Variants in RGS14 observed in about 807,000 individuals in gnomAD.
The protein encoded by RGS14 is regulator of G protein signaling 14.
In RGS14, 33 loss-of-function variants were observed where a neutral mutation model predicts 63.8. That is an observed-to-expected ratio of 0.52 (90% CI 0.39 to 0.69). The LOEUF is 0.69. RGS14 is among the 30% of genes least tolerant of loss of function. The pLI is 0.00. For missense variants in RGS14, 739 were observed against 742.9 expected, an observed-to-expected ratio of 0.99 and a Z score of 0.06; for synonymous variants, 296 against 320.9, an observed-to-expected ratio of 0.92 and a Z score of 0.83.
intron 1 of RGS14, among the ~76,000 whole-genome samples, chr5:177,362,121 A>G (rs1206572656): frequency 1.3e-5 from 2 of 152,186 alleles, no homozygotes; most frequent in Non-Finnish European, 2.9e-5. Context: ...GCTGAGCCCC[A>G]TGCTACCCAG....
chr5:177,368,371 T>C, intron 8 of RGS14, 105 bp downstream of exon 8: 1 of 1,241,378 alleles, frequency 8.1e-7, no homozygotes, highest in Non-Finnish European at 1.1e-6. Flanking sequence ...TTACTGCGTC[T>C]CCCAGCTTGC....
In RGS14 at chr5:177,371,255, C is replaced by T. The variant is rs767891676; in HGVS notation, c.1336+9C>T. ...TTTGGACACTCTTCCAGGTAGGGGA[C>T]GCTGGCCTCGGGGCTTGATCTGGAA... is the stretch of plus-strand genomic sequence containing the variant. On this transcript the variant is annotated intron_variant, in intron 12 of 14. Transcript: ENST00000408923. This position sits in a 1 kb window ranked among gnomAD's most constrained non-coding sequence, Gnocchi z 6.1. The T allele has an allele frequency of 2.0e-5, 32 of 1,614,006 alleles. No homozygotes were observed. Among genetic ancestry groups the T allele is most frequent in the African/African-American group, 1.5e-4 (11 of 75,018 alleles).
chr5:177,359,281 C>G lies in RGS14; in HGVS notation c.45+1212C>G, dbSNP rs772010784. Among the ~76,000 whole-genome samples the G allele has an allele frequency of 2.6e-5, 4 of 152,130 alleles. No individual in the cohort carries two copies. The highest frequency in any genetic ancestry group is 4.8e-5 in the African/African-American group (2 of 41,424). On this transcript the variant is annotated intron_variant, in intron 1 of 14. Coordinates refer to ENST00000408923, the MANE Select transcript of RGS14 (RefSeq NM_006480.5). This position sits in a 1 kb window ranked among gnomAD's most constrained non-coding sequence, Gnocchi z 4.4. ...GAGAGGCCACCCTTCAAAGCCAGCT[C>G]AGCCCCCCATCTCACTGTCTGCAGT...
Position 177,371,569 on chromosome 5 carries a change from G to T in RGS14, c.1478G>T (p.Arg493Leu). 6.2e-7 allele frequency: 1 copy of T among 1,614,076 alleles called. No individual in the cohort carries two copies. Among genetic ancestry groups the T allele is most frequent in the Admixed American group, 1.7e-5 (1 of 60,028 alleles). Residue 493 changes from arginine (R) to leucine (L), a missense_variant, in exon 14 of 15, where the codon CGG (arginine) becomes CTG (leucine). Physicochemically the swap from Arg to Leu is moderately radical, Grantham distance 102. Coordinates refer to ENST00000408923, the MANE Select transcript of RGS14 (RefSeq NM_006480.5). This position sits in a 1 kb window ranked among gnomAD's most constrained non-coding sequence, Gnocchi z 6.1. ...VKVPSSATGK[R>L]QTCDIEGLVE... is the part of the protein sequence containing the mutation. ...GTGCCCAGTAGTGCCACTGGAAAGCGGCAGACCTGTGACATCGAAGGTACA... is the reference window on the plus strand; with the variant it reads ...GTGCCCAGTAGTGCCACTGGAAAGCTGCAGACCTGTGACATCGAAGGTACA...
At chr5:177,361,628 G>C (rs138254444) in intron 1 of RGS14, among the ~76,000 whole-genome samples, 4,322 of 152,194 alleles carry the variant, frequency 0.028, 92 homozygotes, top group Non-Finnish European at 0.04. Context: ...TAAAATGGGG[G>C]TAATAATACC....
chr5:177,371,038 TTCCGGGCCGCGGGGCGGGGCGGGGCGGG>T lies in RGS14; in HGVS notation c.1254+8_1254+35del, dbSNP rs1453417335. ...AGAGGTGGTGCTGCACCGGGTGAGC[TTCCGGGCCGCGGGGCGGGGCGGGGCGGG>T]GCCGGGCCGGGGCCGGGGCCGGGGC... On this transcript the variant is annotated splice_region_variant and intron_variant, in intron 11 of 14. Transcript: ENST00000408923. This position sits in a 1 kb window ranked among gnomAD's most constrained non-coding sequence, Gnocchi z 6.1. 2.1e-6 allele frequency: 3 copies of T among 1,446,720 alleles called. No homozygotes were observed. Among genetic ancestry groups the T allele is most frequent in the Non-Finnish European group, 1.8e-6 (2 of 1,107,254 alleles). 89.6% of individuals were successfully genotyped at this position (1,446,720 alleles called of 1,614,324 possible).
chr5:177,368,230 C>T lies in RGS14; in HGVS notation c.813C>T (p.Asp271=), dbSNP rs1476360620. ...QGSLNSSASL[D]LGFLAFVSSK... is the part of the protein sequence containing the mutation. ...CCCTCAACTCCTCCGCCAGCCTGGA[C>T]CTTGGCTTCCTAGCCTTCGTCAGCA... is the stretch of plus-strand genomic sequence containing the variant. Residue 271 remains aspartate (D), a synonymous_variant, in exon 8 of 15, where the codon GAC becomes GAT. Coordinates refer to ENST00000408923, the MANE Select transcript of RGS14 (RefSeq NM_006480.5). 5 of 1,613,564 alleles carry T rather than the reference C, an allele frequency of 3.1e-6. No homozygotes were observed. In the Admixed American group the frequency reaches 8.3e-5, roughly 27 times the overall value.
Position 177,367,541 on chromosome 5 carries a change from C to G in RGS14, c.611C>G (p.Pro204Arg), listed in dbSNP as rs1452609445. ...REPGSSRLGS[P>R]DATRKKPKLK... ...CCTGGCTCCTCGCGCCTCGGCAGCCCTGACGCCACGAGGAAGGTGCGTGGG... is the reference window on the plus strand; with the variant it reads ...CCTGGCTCCTCGCGCCTCGGCAGCCGTGACGCCACGAGGAAGGTGCGTGGG... The change falls in exon 6 of 15, where the codon CCT (proline) becomes CGT (arginine). Residue 204 changes from proline to arginine, a missense_variant. Coordinates refer to ENST00000408923, the MANE Select transcript of RGS14 (RefSeq NM_006480.5). 1.2e-6 allele frequency: 2 copies of G among 1,610,556 alleles called. No individual in the cohort carries two copies. Among genetic ancestry groups the G allele is most frequent in the Non-Finnish European group, 1.7e-6 (2 of 1,178,512 alleles).
rs992731366 is a variant in RGS14 at position 177,371,080 on chromosome 5, CGGGGCCGGGGCCGGGGCCG to C, written c.1254+53_1255-63del. 14 of 225,326 alleles carry C rather than the reference CGGGGCCGGGGCCGGGGCCG, an allele frequency of 6.2e-5. No individual in the cohort carries two copies. Among genetic ancestry groups the C allele is most frequent in the Middle Eastern group, 2.7e-3 (1 of 372 alleles). 14.0% of individuals were successfully genotyped at this position (225,326 alleles called of 1,614,324 possible). On this transcript the variant is annotated intron_variant, in intron 11 of 14. Coordinates refer to ENST00000408923, the MANE Select transcript of RGS14 (RefSeq NM_006480.5). The surrounding 1 kb of genome is among the most constrained non-coding windows in gnomAD (Gnocchi z 6.1). Reference sequence around the variant, plus strand: ...GGGCGGGGCGGGGCCGGGCCGGGGCCGGGGCCGGGGCCGGGGCCGGGGCCGGGGCCGGGGCCGGGGCCGG... The same window carrying C: ...GGGCGGGGCGGGGCCGGGCCGGGGCCGGGCCGGGGCCGGGGCCGGGGCCGG...
intron 1 of RGS14, among the ~76,000 whole-genome samples, chr5:177,363,474 G>A (rs1203347830): frequency 1.3e-5 from 2 of 152,160 alleles, no homozygotes; most frequent in Non-Finnish European, 2.9e-5. Flanking sequence ...AAAAAGTCAG[G>A]GCTGGGGTTT....
rs1471105167 is a variant in RGS14 at position 177,358,182 on chromosome 5, G to A, written c.45+113G>A. Reference sequence around the variant, plus strand: ...AAGAGCCCACGGGCTGCCAGCAGGCGAGAGAAGTTGGGTACAGACAGCAGC... The same window carrying A: ...AAGAGCCCACGGGCTGCCAGCAGGCAAGAGAAGTTGGGTACAGACAGCAGC... On this transcript the variant is annotated intron_variant, in intron 1 of 14. Transcript: ENST00000408923. This position sits in a 1 kb window ranked among gnomAD's most constrained non-coding sequence, Gnocchi z 4.8. 4 of 901,644 alleles carry A rather than the reference G, an allele frequency of 4.4e-6. No individual in the cohort carries two copies. The highest frequency in any genetic ancestry group is 3.7e-5 in the South Asian group (1 of 26,884). 55.9% of individuals were successfully genotyped at this position (901,644 alleles called of 1,614,324 possible). A position where few individuals can be genotyped will look rare whatever the true frequency, so the allele number is the denominator to read the frequency against.
At position 177,359,890 on chromosome 5, in the gene RGS14, G is replaced by A. The variant is rs2127325280; in HGVS notation, c.45+1821G>A. 6.6e-6 allele frequency among the ~76,000 whole-genome samples: 1 copy of A among 152,324 alleles called. No homozygotes were observed. The highest frequency in any genetic ancestry group is 6.5e-5 in the Admixed American group (1 of 15,314). On this transcript the variant is annotated intron_variant, in intron 1 of 14. Transcript: ENST00000408923. The surrounding 1 kb of genome is among the most constrained non-coding windows in gnomAD (Gnocchi z 4.4). ...AGTTACCTCCCAAGGGAGGCTCAGA[G>A]AAGTAAATGCTGTGCCGAGGTCAGC...
chr5:177,370,782 C>A, intron 10 of RGS14, 118 bp downstream of exon 10: 1 of 1,501,892 alleles, frequency 6.7e-7, no homozygotes, highest in East Asian at 2.4e-5. Context: ...TGGGACAAAC[C>A]CCGCCCCCTA....
chr5:177,365,009 G>A (rs1184108662), intron 1 of RGS14, among the ~76,000 whole-genome samples: 2 of 152,160 alleles, frequency 1.3e-5, no homozygotes, highest in Non-Finnish European at 2.9e-5. Context: ...CCACTGCTCT[G>A]TACTATAGAC....
chr5:177,358,074 G>A lies in RGS14; in HGVS notation c.45+5G>A. 1 of 1,348,182 alleles carries A rather than the reference G, an allele frequency of 7.4e-7. No individual in the cohort carries two copies. Among genetic ancestry groups the A allele is most frequent in the Non-Finnish European group, 9.6e-7 (1 of 1,039,888 alleles). 83.5% of individuals were successfully genotyped at this position (1,348,182 alleles called of 1,614,324 possible). A position where few individuals can be genotyped will look rare whatever the true frequency, so the allele number is the denominator to read the frequency against. On this transcript the variant is annotated splice_donor_5th_base_variant and intron_variant, in intron 1 of 14. Transcript: ENST00000408923. The surrounding 1 kb of genome is among the most constrained non-coding windows in gnomAD (Gnocchi z 4.8). ...GGCGTCCCCAACGGGCGCATGGTGA[G>A]TGTGGGCTCCGGGCCAGGGCCACGA...
chr5:177,370,553 G>C, intron 9 of RGS14, 38 bp from the exon 10 acceptor site: 3 of 1,593,356 alleles, frequency 1.9e-6, no homozygotes, highest in African/African-American at 1.3e-5. Flanking sequence ...TGGGGGTTGG[G>C]GGAGGGACTC....
chr5:177,361,957 G>T (rs1761975068), intron 1 of RGS14, among the ~76,000 whole-genome samples: 1 of 152,164 alleles, frequency 6.6e-6, no homozygotes, highest in Non-Finnish European at 1.5e-5. Context: ...CCCAGGCCCT[G>T]CAGTGGCAGC....
chr5:177,370,735 G>A, intron 10 of RGS14, 71 bp downstream of exon 10: 2 of 1,565,802 alleles, frequency 1.3e-6, no homozygotes, highest in Non-Finnish European at 1.7e-6. Context: ...TAGCTACCTG[G>A]CTCCCCAGGC....
In RGS14 at chr5:177,357,995, C is replaced by A; in HGVS notation, c.-30C>A. On this transcript the variant is annotated 5_prime_UTR_variant, in exon 1 of 15. Coordinates refer to ENST00000408923, the MANE Select transcript of RGS14 (RefSeq NM_006480.5). ...CCACAGTCCCCATGGTGGGCAGCCC[C>A]CGCGGCGGGGACCCCTGATCGGCAG... 1.5e-6 allele frequency: 2 copies of A among 1,340,758 alleles called. No individual in the cohort carries two copies. The highest frequency in any genetic ancestry group is 3.0e-5 in the East Asian group (1 of 33,302). 83.1% of individuals were successfully genotyped at this position (1,340,758 alleles called of 1,614,324 possible). A position where few individuals can be genotyped will look rare whatever the true frequency, so the allele number is the denominator to read the frequency against.
Sources: gnomAD v4.1 joint callset for allele counts (sites outside exome capture counted in the v4.1 genomes callset) on GRCh38, gnomAD v4.1.1 for gene constraint, Gnocchi (gnomAD v3.1) non-coding constraint, MANE v1.5 for transcripts, NCBI Gene and HGNC (gene_info 2026-07-23, HGNC 2026-07-21) for gene names.